LPXN: variants seen among roughly 807,000 people sequenced by gnomAD.
LPXN encodes the protein leupaxin.
Under a neutral mutation model 45.6 loss-of-function variants are expected in LPXN, and 28 were observed. The ratio of observed to expected loss-of-function variants is 0.61; its 90% confidence interval spans 0.45 to 0.84. The LOEUF (loss-of-function observed/expected upper bound fraction) is 0.84, where lower values mean the gene tolerates loss of function less well. Ranked by LOEUF, LPXN falls within the 40% of genes least tolerant of loss-of-function variation. The probability of loss-of-function intolerance (pLI) is 0.00; values close to 1 mark genes in which losing one functional copy is unlikely to be tolerated. For synonymous variants in LPXN, 166 were observed against 169.9 expected (o/e 0.98, Z 0.18); for missense variants, 459 against 475.0 (o/e 0.97, Z 0.31).
chr11:58,578,176 C>A (rs990319829), upstream of LPXN: 99 of 1,261,862 alleles, frequency 7.8e-5, no homozygotes, highest in Non-Finnish European at 1.0e-4. Flanking sequence ...TAGGAAAAAC[C>A]CTCCCATCAG....
intron 7 of LPXN, among the ~76,000 whole-genome samples, chr11:58,542,914 T>G (rs1286887810): frequency 4.6e-5 from 7 of 152,210 alleles, no homozygotes; most frequent in African/African-American, 7.2e-5. Context: ...CTGCAAGGTC[T>G]TTTTATTGTC....
chr11:58,538,965 T>C lies in LPXN; in HGVS notation c.743-10774A>G, dbSNP rs771498996. Among the ~76,000 whole-genome samples, 12 of 149,254 alleles carry C rather than the reference T, an allele frequency of 8.0e-5. No individual in the cohort carries two copies. The South Asian group carries it at 1.3e-3, about 16-fold the overall frequency. On this transcript the variant is annotated intron_variant, in intron 7 of 8. Transcript: ENST00000395074. ...CTGTATCATTATACTATATCAGATA[T>C]ATTAGTATGAACTCATGACTTACTT...
chr11:58,527,785 G>T, intron 8 of LPXN, 62 bp from the exon 9 acceptor site: 1 of 1,518,186 alleles, frequency 6.6e-7, no homozygotes, highest in Non-Finnish European at 9.0e-7. Context: ...TGTCAGCAAA[G>T]TAAAATTTTC....
chr11:58,549,877 G>C lies in LPXN; in HGVS notation c.661-10C>G, dbSNP rs1853990524. On this transcript the variant is annotated splice_polypyrimidine_tract_variant and intron_variant, in intron 6 of 8. Coordinates refer to ENST00000395074, the MANE Select transcript of LPXN (RefSeq NM_004811.3). ...TTGCTGTCAGCACTTTCTGGAAAGG[G>C]AACACACAGATATTATAATGATGCA... The C allele has an allele frequency of 6.2e-7, 1 of 1,613,996 alleles. No individual in the cohort carries two copies. Among genetic ancestry groups the C allele is most frequent in the South Asian group, 1.1e-5 (1 of 91,054 alleles).
chr11:58,528,671 G>C (rs1853300499), intron 7 of LPXN, among the ~76,000 whole-genome samples: 1 of 152,050 alleles, frequency 6.6e-6, no homozygotes, highest in Admixed American at 6.6e-5. Flanking sequence ...AGATATTGTT[G>C]ATCTTGTCAC....
intron 7 of LPXN, among the ~76,000 whole-genome samples, chr11:58,532,200 G>A (rs1345006205): frequency 6.6e-6 from 1 of 152,168 alleles, no homozygotes; most frequent in Non-Finnish European, 1.5e-5. Context: ...CAGGGCTTGG[G>A]ATCTGCAGCC....
chr11:58,539,850 T>C (rs1853661995), intron 7 of LPXN, among the ~76,000 whole-genome samples: 1 of 152,164 alleles, frequency 6.6e-6, no homozygotes, highest in Non-Finnish European at 1.5e-5. Context: ...ACTCAGCTAA[T>C]AAATATGGAA....
At chr11:58,542,601 T>C (rs962040761) in intron 7 of LPXN, among the ~76,000 whole-genome samples, 3 of 152,080 alleles carry the variant, frequency 2.0e-5, no homozygotes, top group African/African-American at 7.2e-5. Flanking sequence ...ATACATTTAG[T>C]TGTTTCCAAT....
At position 58,549,817 on chromosome 11, in the gene LPXN, G is replaced by A; in HGVS notation, c.711C>T (p.Cys237=). The A allele has an allele frequency of 6.2e-7, 1 of 1,614,162 alleles. No homozygotes were observed. Among genetic ancestry groups the A allele is most frequent in the Non-Finnish European group, 8.5e-7 (1 of 1,180,028 alleles). The change falls in exon 7 of 9, where the codon TGC becomes TGT. Residue 237 remains cysteine, a synonymous_variant. Coordinates refer to ENST00000395074, the MANE Select transcript of LPXN (RefSeq NM_004811.3). ...CACCAAACACCTCTCCGCAGTGAGA[G>A]CAGAAGAAGTGCTCTGGGTGCCAGG... ...NQTWHPEHFF[C]SHCGEVFGAE... is the part of the protein sequence containing the mutation.
At chr11:58,578,004 G>C, upstream of LPXN, 1 of 1,550,716 alleles carries the variant, frequency 6.4e-7, no homozygotes, top group Non-Finnish European at 8.7e-7. Context: ...GCTCACAGGT[G>C]AGTGACTCAC....
chr11:58,575,934 G>A, upstream of LPXN: 2 of 1,440,640 alleles, frequency 1.4e-6, no homozygotes, highest in Non-Finnish European at 1.8e-6. Context: ...CTTTTGATTT[G>A]GTGAGCTTTT....
intron 1 of LPXN, among the ~76,000 whole-genome samples, chr11:58,574,573 CAA>C (rs1228260241): frequency 6.6e-6 from 1 of 150,900 alleles, no homozygotes; most frequent in Non-Finnish European, 1.5e-5. Flanking sequence ...CCATCCCCCC[CAA>C]AAAAAAGAAA....
chr11:58,569,103 CAGTTAGGGCGTAAA>C (rs1854604109), intron 2 of LPXN, among the ~76,000 whole-genome samples: 1 of 152,160 alleles, frequency 6.6e-6, no homozygotes, highest in Non-Finnish European at 1.5e-5. Flanking sequence ...GAGAAAAGAA[CAGTTAGGGCGTAAA>C]CTACCCCTGA....
At chr11:58,538,317 T>C (rs1362847750) in intron 7 of LPXN, among the ~76,000 whole-genome samples, 1 of 152,140 alleles carries the variant, frequency 6.6e-6, no homozygotes, top group Non-Finnish European at 1.5e-5. Flanking sequence ...CAAATGGTAT[T>C]TCTAGTTCTA....
intron 3 of LPXN, among the ~76,000 whole-genome samples, chr11:58,555,184 T>C (rs1854166674): frequency 6.6e-6 from 1 of 152,204 alleles, no homozygotes; most frequent in Non-Finnish European, 1.5e-5. Flanking sequence ...ATATCTCCTG[T>C]CAGTTTTTGT....
rs1344823355 is a variant in LPXN, at chr11:58,564,290, G to A, written c.172-89C>T. ...TTAATGATACCCACAGTTAATAGAT[G>A]TTTGTAGCTTTTAAAGGGGACTGAC... On this transcript the variant is annotated intron_variant, in intron 2 of 8. Coordinates refer to ENST00000395074, the MANE Select transcript of LPXN (RefSeq NM_004811.3). The A allele has an allele frequency of 1.6e-4, 131 of 837,738 alleles. 1 individual carries two copies. The highest frequency in any genetic ancestry group is 8.1e-6 in the Non-Finnish European group (4 of 496,120). 51.9% of individuals were successfully genotyped at this position (837,738 alleles called of 1,614,324 possible).
intron 7 of LPXN, among the ~76,000 whole-genome samples, chr11:58,545,301 T>G (rs1853845254): frequency 6.6e-6 from 1 of 152,272 alleles, no homozygotes. Flanking sequence ...ATTGGGTATT[T>G]TTTTGTGTGT....
intron 7 of LPXN, among the ~76,000 whole-genome samples, chr11:58,548,296 C>T (rs192106961): frequency 1.5e-4 from 23 of 152,044 alleles, no homozygotes; most frequent in Non-Finnish European, 8.8e-5. Flanking sequence ...GGAAACAGAG[C>T]ATCCAAAGAG....
chr11:58,560,504 T>C (rs1487520734), intron 3 of LPXN, among the ~76,000 whole-genome samples: 2 of 152,220 alleles, frequency 1.3e-5, no homozygotes, highest in Non-Finnish European at 2.9e-5. Context: ...ACTATGATTG[T>C]GTGTAATTTT....
Sources: allele counts gnomAD v4.1 joint callset (sites outside exome capture counted in the v4.1 genomes callset), GRCh38; gene constraint gnomAD v4.1.1; transcripts MANE v1.5; gene names NCBI Gene and HGNC (gene_info 2026-07-23, HGNC 2026-07-21).